The following NPFFR2 variants were observed in gnomAD, a reference collection of about 807,000 sequenced individuals.
NPFFR2 encodes the protein G-protein coupled receptor 74.
NPFFR2 carries 15 observed loss-of-function variants against 13.1 expected under a neutral mutation model. The observed-to-expected ratio is 1.15, with a 90% CI of 0.77 to 1.76. NPFFR2 has a LOEUF of 1.76. Ranked by LOEUF, NPFFR2 falls within the 40% of genes most tolerant of loss-of-function variation. The probability of loss-of-function intolerance (pLI) is 0.00; values close to 1 mark genes in which losing one functional copy is unlikely to be tolerated. For synonymous variants in NPFFR2, 190 were observed against 175.7 expected (o/e 1.08, Z -0.65); for missense variants, 572 against 503.5 (o/e 1.14, Z -1.30).
intron 2 of NPFFR2, among the ~76,000 whole-genome samples, chr4:72,131,768 GTTGAAGGATTGTT>G (rs1193582411): frequency 1.3e-5 from 2 of 152,088 alleles, no homozygotes; most frequent in Non-Finnish European, 2.9e-5. Flanking sequence ...TTTGCCTAGG[GTTGAAGGATTGTT>G]TTGAATTAGA....
At chr4:72,069,332 C>G (rs4376114) in intron 1 of NPFFR2, among the ~76,000 whole-genome samples, 136,899 of 152,154 alleles carry the variant, frequency 0.9, 62,542 homozygotes, top group Non-Finnish European at 0.98. Flanking sequence ...CACAACATAG[C>G]ATTTTAAAAA....
chr4:72,146,874 G>C (rs1560426096), intron 3 of NPFFR2, 104 bp from the exon 4 acceptor site: 7 of 723,752 alleles, frequency 9.7e-6, no homozygotes, highest in Non-Finnish European at 1.6e-5. Context: ...TATTTTTGAG[G>C]AGACTGTAGG....
At chr4:72,060,233 T>A (rs1227054697) in intron 1 of NPFFR2, among the ~76,000 whole-genome samples, 1 of 152,114 alleles carries the variant, frequency 6.6e-6, no homozygotes, top group African/African-American at 2.4e-5. Context: ...TCTCTGTGTG[T>A]CAGACGTTCT....
intron 3 of NPFFR2, among the ~76,000 whole-genome samples, chr4:72,144,977 T>C (rs1464146072): frequency 1.3e-5 from 2 of 152,168 alleles, no homozygotes; most frequent in Non-Finnish European, 2.9e-5. Flanking sequence ...CCAAATAAGC[T>C]TCTTAAATTG....
chr4:72,090,421 T>C (rs1025582433), intron 1 of NPFFR2, among the ~76,000 whole-genome samples: 1 of 152,080 alleles, frequency 6.6e-6, no homozygotes, highest in Non-Finnish European at 1.5e-5. Flanking sequence ...GGTAGTATTG[T>C]CATTTTTACA....
chr4:72,061,056 A>G (rs1393883751), intron 1 of NPFFR2, among the ~76,000 whole-genome samples: 1 of 152,182 alleles, frequency 6.6e-6, no homozygotes, highest in East Asian at 1.9e-4. Context: ...TTGGAGGATC[A>G]AAGATCAGGG....
In NPFFR2 at chr4:72,147,728, G is replaced by A; in HGVS notation, c.1179G>A (p.Leu393=). The A allele has an allele frequency of 1.2e-6, 2 of 1,609,568 alleles. No individual in the cohort carries two copies. Among genetic ancestry groups the A allele is most frequent in the South Asian group, 2.2e-5 (2 of 89,724 alleles). ...TTCAAAACCCTCATGGGGAAACCTT[G>A]CTTTATAGGAAAAGTGCTGAAAAAC... ...STFQNPHGET[L]LYRKSAEKPQ... Residue 393 remains leucine, a synonymous_variant, in exon 4 of 4, where the codon TTG becomes TTA. Coordinates refer to ENST00000308744, the MANE Select transcript of NPFFR2 (RefSeq NM_004885.3).
chr4:72,050,590 T>C (rs911893490), intron 1 of NPFFR2, among the ~76,000 whole-genome samples: 7 of 152,022 alleles, frequency 4.6e-5, no homozygotes, highest in African/African-American at 1.4e-4. Context: ...CAACATGTTT[T>C]ACCTCAAAAT....
intron 1 of NPFFR2, among the ~76,000 whole-genome samples, chr4:72,046,519 G>A (rs36102036): frequency 0.27 from 40,405 of 152,020 alleles, 6,003 homozygotes; most frequent in Middle Eastern, 0.38. Flanking sequence ...CCAGACCCAT[G>A]AGCCAAATAA....
intron 1 of NPFFR2, among the ~76,000 whole-genome samples, chr4:72,085,080 C>T (rs1370332155): frequency 2.6e-5 from 4 of 151,818 alleles, no homozygotes; most frequent in Non-Finnish European, 5.9e-5. Context: ...TAAGACATTT[C>T]ATAAAATAAT....
chr4:72,072,201 T>C (rs1720277363), intron 1 of NPFFR2, among the ~76,000 whole-genome samples: 1 of 152,058 alleles, frequency 6.6e-6, no homozygotes, highest in Non-Finnish European at 1.5e-5. Context: ...AAAATATGGC[T>C]AATTCAAAGG....
At chr4:72,069,774 GGCAA>G (rs1720191410) in intron 1 of NPFFR2, among the ~76,000 whole-genome samples, 2 of 151,982 alleles carry the variant, frequency 1.3e-5, no homozygotes, top group South Asian at 2.1e-4. Context: ...AAATTTAAAT[GGCAA>G]ATAAACATGA....
intron 3 of NPFFR2, among the ~76,000 whole-genome samples, chr4:72,143,485 T>G (rs1427560737): frequency 6.6e-6 from 1 of 152,188 alleles, no homozygotes; most frequent in African/African-American, 2.4e-5. Context: ...CTTGTTCTAT[T>G]CAGGCCCTCA....
intron 1 of NPFFR2, among the ~76,000 whole-genome samples, chr4:72,046,286 A>T (rs1214468434): frequency 6.6e-6 from 1 of 152,174 alleles, no homozygotes; most frequent in Non-Finnish European, 1.5e-5. Context: ...ATATTATTGC[A>T]AACTGGGGAC....
At chr4:72,140,055 G>C (rs1722554129) in intron 3 of NPFFR2, among the ~76,000 whole-genome samples, 5 of 152,094 alleles carry the variant, frequency 3.3e-5, no homozygotes, top group African/African-American at 9.7e-5. Context: ...TTGGCTCTCT[G>C]TTTGTCTGTT....
chr4:72,040,927 A>AATATATAT (rs61548490), intron 1 of NPFFR2, among the ~76,000 whole-genome samples: 17,874 of 146,534 alleles, frequency 0.12, 1,419 homozygotes, highest in Middle Eastern at 0.21. Flanking sequence ...ACTGCTGTAA[A>AATATATAT]ATATATATAT....
rs1722842571 is a variant in NPFFR2 at position 72,147,933 on chromosome 4, C to G, written c.*121C>G. 1 of 724,874 alleles carries G rather than the reference C, an allele frequency of 1.4e-6. No homozygotes were observed. Among genetic ancestry groups the G allele is most frequent in the Non-Finnish European group, 2.1e-6 (1 of 479,582 alleles). The allele number at this position is 724,874 out of a possible 1,614,324, so 44.9% of individuals were successfully genotyped here. On this transcript the variant is annotated 3_prime_UTR_variant, in exon 4 of 4. Transcript: ENST00000308744. ...TCTAAATAAAACATTTACTGAAAGC[C>G]CTCTCTGGCAAAAAAATTAAAAATA... is the stretch of plus-strand genomic sequence containing the variant.
chr4:72,147,276 G>A lies in NPFFR2; in HGVS notation c.727G>A (p.Gly243Arg). 6.2e-7 allele frequency: 1 copy of A among 1,614,120 alleles called. No individual in the cohort carries two copies. The highest frequency in any genetic ancestry group is 8.5e-7 in the Non-Finnish European group (1 of 1,180,016). ...SLIVIMYGRI[G>R]ISLFRAAVPH... ...CATTGTCATCATGTATGGAAGGATT[G>A]GAATTTCACTCTTCAGGGCTGCAGT... is the stretch of plus-strand genomic sequence containing the variant. Residue 243 changes from glycine (G) to arginine (R), a missense_variant, in exon 4 of 4, where the codon GGA becomes AGA. Physicochemically the swap from Gly to Arg is moderately radical, Grantham distance 125 (BLOSUM62 -2). Transcript: ENST00000308744.
At chr4:72,122,772 G>A (rs932439522) in intron 1 of NPFFR2, among the ~76,000 whole-genome samples, 3 of 152,048 alleles carry the variant, frequency 2.0e-5, no homozygotes, top group Non-Finnish European at 4.4e-5. Flanking sequence ...TTTCTCCTGT[G>A]TGCATTTAGT....
Sources: gnomAD v4.1 joint callset for allele counts (sites outside exome capture counted in the v4.1 genomes callset) on GRCh38, gnomAD v4.1.1 for gene constraint, MANE v1.5 for transcripts, NCBI Gene and HGNC (gene_info 2026-07-23, HGNC 2026-07-21) for gene names.